EIF3M: variants seen among roughly 807,000 people sequenced by gnomAD.
The protein encoded by EIF3M is eukaryotic translation initiation factor 3 subunit M, also known as B5 receptor.
A neutral mutation model predicts 49.7 loss-of-function variants in EIF3M; 25 were observed. That is an observed-to-expected ratio of 0.50 (90% confidence interval 0.37 to 0.70). The LOEUF is 0.70. Among genes scored for constraint, EIF3M ranks in the 30% least tolerant of loss-of-function variants. The probability of loss-of-function intolerance (pLI) is 0.00; values close to 1 mark genes in which losing one functional copy is unlikely to be tolerated. For synonymous variants in EIF3M, 156 were observed against 149.8 expected, an observed-to-expected ratio of 1.04 and a Z score of -0.30; for missense variants, 350 against 440.0, an observed-to-expected ratio of 0.80 and a Z score of 1.83.
intron 9 of EIF3M, chr11:32,601,418 T>G (rs1458559558): frequency 2.2e-5 from 4 of 179,382 alleles, no homozygotes; most frequent in Non-Finnish European, 4.6e-5. Flanking sequence ...TGCTCTAAGT[T>G]TTCTATGAAG....
At chr11:32,601,725 T>C (rs1479290947) in intron 9 of EIF3M, 37 bp from the exon 10 acceptor site, 1 of 1,582,008 alleles carries the variant, frequency 6.3e-7, no homozygotes, top group East Asian at 2.2e-5. Context: ...CTTGGAAATT[T>C]TCCATATAAC....
chr11:32,605,398 CA>C lies in EIF3M; in HGVS notation c.*3001del, dbSNP rs1426315802. On this transcript the variant is annotated 3_prime_UTR_variant, in exon 11 of 11. Transcript: ENST00000531120. ...CACAGGACTGCTAAGAGAACCTAGG[CA>C]AGTCATTTAATTTTTCTGGGCTTCA... 1 of 152,032 alleles carries C rather than the reference CA, an allele frequency of 6.6e-6. No individual in the cohort carries two copies. The highest frequency in any genetic ancestry group is 6.6e-5 in the Admixed American group (1 of 15,262). 9.4% of individuals were successfully genotyped at this position (152,032 alleles called of 1,614,324 possible).
chr11:32,596,906 A>G (rs1398103707), intron 8 of EIF3M, among the ~76,000 whole-genome samples: 1 of 152,040 alleles, frequency 6.6e-6, no homozygotes, highest in Non-Finnish European at 1.5e-5. Context: ...CTCCATCTCA[A>G]AAAACAAAAA....
intron 1 of EIF3M, among the ~76,000 whole-genome samples, chr11:32,584,490 C>T (rs919558316): frequency 2.6e-5 from 4 of 151,676 alleles, no homozygotes; most frequent in African/African-American, 9.7e-5. Flanking sequence ...CGCCTGTAGT[C>T]CCAGCTACTG....
intron 5 of EIF3M, chr11:32,591,935 A>C (rs1590519019): frequency 3.7e-6 from 1 of 272,406 alleles, no homozygotes; most frequent in African/African-American, 2.3e-5. Flanking sequence ...CACCACCGTA[A>C]TTACCACTCC....
rs1263741265 is a variant in EIF3M at position 32,589,586 on chromosome 11, A to G, written c.478A>G (p.Lys160Glu). ...WISDWNLTTE[K>E]KHTLLRLLYE... is the part of the protein sequence containing the mutation. ...TTCTGACTGGAATCTCACCACTGAA[A>G]AAAAGCACACCCTTTTAAGACTACT... Residue 160 changes from lysine to glutamate, a missense_variant, in exon 5 of 11, where the codon AAA (lysine) becomes GAA (glutamate). Transcript: ENST00000531120. The G allele has an allele frequency of 6.2e-6, 10 of 1,614,202 alleles. No individual in the cohort carries two copies. The highest frequency in any genetic ancestry group is 1.7e-4 in the Middle Eastern group (1 of 6,052).
intron 9 of EIF3M, 50 bp downstream of exon 9, chr11:32,600,882 A>G (rs1277102344): frequency 1.3e-6 from 2 of 1,545,112 alleles, no homozygotes; most frequent in South Asian, 1.3e-5. Context: ...CTCATCTACT[A>G]CATGGATCAT....
rs764132923 is a variant in EIF3M at position 32,588,996 on chromosome 11, T to C, written c.315-16T>C. On this transcript the variant is annotated splice_polypyrimidine_tract_variant and intron_variant, in intron 3 of 10. Transcript: ENST00000531120. ...GCTGATTTCAAACATTGTTTATTTGTTTGTTAACCAACCAGGTTAAGCAAC... is the reference window on the plus strand; with the variant it reads ...GCTGATTTCAAACATTGTTTATTTGCTTGTTAACCAACCAGGTTAAGCAAC... 6.2e-6 allele frequency: 10 copies of C among 1,611,704 alleles called. No individual in the cohort carries two copies. Among genetic ancestry groups the C allele is most frequent in the Non-Finnish European group, 8.5e-6 (10 of 1,179,532 alleles).
chr11:32,588,603 G>T lies in EIF3M; in HGVS notation c.185G>T (p.Ser62Ile). Residue 62 changes from serine (S) to isoleucine (I), a missense_variant, in exon 3 of 11, where the codon AGT (serine) becomes ATT (isoleucine). Transcript: ENST00000531120. Reference sequence around the variant, plus strand: ...ATCCATACTTGTGTAGATGTTGAAAGTGTGATGAACAGTGTGGTATCCCTA... The same window carrying T: ...ATCCATACTTGTGTAGATGTTGAAATTGTGATGAACAGTGTGGTATCCCTA... ...CLKEDDKDVE[S>I]VMNSVVSLLL... 1 of 1,613,762 alleles carries T rather than the reference G, an allele frequency of 6.2e-7. No homozygotes were observed. The highest frequency in any genetic ancestry group is 8.5e-7 in the Non-Finnish European group (1 of 1,179,858).
At chr11:32,586,809 A>G (rs1232029194) in intron 1 of EIF3M, 5 of 501,342 alleles carry the variant, frequency 1.0e-5, no homozygotes, top group Non-Finnish European at 1.7e-5. Flanking sequence ...TAGTGTGTCT[A>G]AGGAGCCACT....
chr11:32,588,720 T>TA lies in EIF3M; in HGVS notation c.302_303insA (p.Arg102GlufsTer14). On this transcript the variant is annotated frameshift_variant, in exon 3 of 11. Coordinates refer to ENST00000531120, the MANE Select transcript of EIF3M (RefSeq NM_006360.6). LOFTEE classifies it high-confidence loss of function. ...TTTCGCGAAGGTGAACGCCCGTCTC[T>TA]GAGACTGCAGTTGTAAGTTAAGATC... 1.2e-6 allele frequency: 2 copies of TA among 1,614,238 alleles called. No homozygotes were observed. Among genetic ancestry groups the TA allele is most frequent in the Non-Finnish European group, 1.7e-6 (2 of 1,180,042 alleles).
At chr11:32,588,249 C>T (rs572505510) in intron 2 of EIF3M, among the ~76,000 whole-genome samples, 4 of 151,934 alleles carry the variant, frequency 2.6e-5, no homozygotes, top group South Asian at 2.1e-4. Context: ...ATTAGCCGGG[C>T]GTGGTGGCGG....
intron 1 of EIF3M, among the ~76,000 whole-genome samples, chr11:32,584,607 C>CAAAAAAAAAAA (rs796738414): frequency 0.027 from 1,703 of 62,126 alleles, 164 homozygotes; most frequent in Middle Eastern, 0.086. Flanking sequence ...GAGTCCCTCT[C>CAAAAAAAAAAA]AAAAAAAAAA....
intron 3 of EIF3M, 54 bp from the exon 4 acceptor site, chr11:32,588,958 C>A: frequency 6.2e-7 from 1 of 1,601,744 alleles, no homozygotes; most frequent in South Asian, 1.1e-5. Flanking sequence ...CTAACCTCAA[C>A]TTAAAACTGG....
chr11:32,585,995 C>T (rs999630105), intron 1 of EIF3M, among the ~76,000 whole-genome samples: 2 of 152,090 alleles, frequency 1.3e-5, no homozygotes, highest in African/African-American at 4.8e-5. Flanking sequence ...TTTGGGAGGC[C>T]GAGGCCCGTG....
chr11:32,601,986 T>C (rs913283991), intron 10 of EIF3M, 164 bp downstream of exon 10: 34 of 871,988 alleles, frequency 3.9e-5, no homozygotes, highest in Admixed American at 3.8e-4. Flanking sequence ...GTGATTAGCT[T>C]ATTTAATGAA....
Position 32,594,827 on chromosome 11 carries a change from A to G in EIF3M, c.618-87A>G, listed in dbSNP as rs544746078. On this transcript the variant is annotated intron_variant, in intron 6 of 10. Coordinates refer to ENST00000531120, the MANE Select transcript of EIF3M (RefSeq NM_006360.6). ...TTTTGGACTGTTAGATATTTTGCCG[A>G]ATTAAGTATATTTTATGATCTGCAA... 2.2e-5 allele frequency: 27 copies of G among 1,246,502 alleles called. 1 individual carries two copies. The South Asian group carries it at 3.8e-4, about 18-fold the overall frequency. The allele number at this position is 1,246,502 out of a possible 1,614,324, so 77.2% of individuals were successfully genotyped here.
At chr11:32,590,862 T>A (rs1051965435) in intron 5 of EIF3M, among the ~76,000 whole-genome samples, 1 of 152,078 alleles carries the variant, frequency 6.6e-6, no homozygotes, top group Non-Finnish European at 1.5e-5. Flanking sequence ...CTTTTTTTTT[T>A]TTATTTGAGA....
intron 2 of EIF3M, among the ~76,000 whole-genome samples, chr11:32,587,756 T>A (rs1478144808): frequency 6.6e-6 from 1 of 152,168 alleles, no homozygotes; most frequent in African/African-American, 2.4e-5. Flanking sequence ...GTTTCCTGTT[T>A]ATTGAGATAG....
Sources: gnomAD v4.1 joint callset for allele counts (sites outside exome capture counted in the v4.1 genomes callset) on GRCh38, gnomAD v4.1.1 for gene constraint, MANE v1.5 for transcripts, NCBI Gene and HGNC (gene_info 2026-07-23, HGNC 2026-07-21) for gene names.